CREBRF: variants seen among roughly 807,000 people sequenced by gnomAD.
The protein encoded by CREBRF is UPF0474 protein C5orf41.
A neutral mutation model predicts 66.1 loss-of-function variants in CREBRF; 5 were observed. The observed-to-expected ratio is 0.08, with a 90% CI of 0.04 to 0.16. The LOEUF is 0.16. Ranked by LOEUF, CREBRF falls within the 10% of genes least tolerant of loss-of-function variation. The pLI is 1.00. For synonymous variants in CREBRF, 229 were observed against 264.4 expected (o/e 0.87, Z 1.30); for missense variants, 531 against 744.9 (o/e 0.71, Z 3.34).
At chr5:173,110,786 A>T in intron 6 of CREBRF, 75 bp downstream of exon 6, 1 of 970,640 alleles carries the variant, frequency 1.0e-6, no homozygotes, top group Non-Finnish European at 1.5e-6. Flanking sequence ...GTTTTTATAG[A>T]AGGACAACAA....
chr5:173,121,075 A>G (rs923428069), intron 7 of CREBRF, among the ~76,000 whole-genome samples: 4 of 152,118 alleles, frequency 2.6e-5, no homozygotes, highest in African/African-American at 7.2e-5. Flanking sequence ...TGTTAGCACC[A>G]TATTTTCTTA....
chr5:173,126,961 A>T (rs745936092), intron 8 of CREBRF, among the ~76,000 whole-genome samples: 1 of 152,020 alleles, frequency 6.6e-6, no homozygotes, highest in Admixed American at 6.6e-5. Context: ...CTGAGGTGGG[A>T]GGATCGATTG....
At chr5:173,086,826 T>C (rs1169407914) in intron 3 of CREBRF, among the ~76,000 whole-genome samples, 200 bp downstream of exon 3, 1 of 152,154 alleles carries the variant, frequency 6.6e-6, no homozygotes, top group Non-Finnish European at 1.5e-5. Flanking sequence ...TCTCAGGCTA[T>C]AGTGCAGTGG....
chr5:173,123,160 A>G lies in CREBRF; in HGVS notation c.1762A>G (p.Asn588Asp). 1 of 1,604,496 alleles carries G rather than the reference A, an allele frequency of 6.2e-7. No homozygotes were observed. Among genetic ancestry groups the G allele is most frequent in the Non-Finnish European group, 8.5e-7 (1 of 1,177,712 alleles). Residue 588 changes from asparagine (N) to aspartate (D), a missense_variant, in exon 8 of 9, where the codon AAC (asparagine) becomes GAC (aspartate). This residue lies in a region of CREBRF where 64 missense variants were observed against 111.3 expected (regional missense o/e 0.58). Transcript: ENST00000296953. Reference protein sequence around the residue: ...VQNPRDERGPNMGQKLEILIK... With the variant: ...VQNPRDERGPDMGQKLEILIK... ...GAATCCAAGAGATGAGAGAGGACCC[A>G]ACATGGGGCAGAAGCTTGAAATCCT...
At chr5:173,111,674 G>A (rs1758873253) in intron 6 of CREBRF, among the ~76,000 whole-genome samples, 1 of 152,170 alleles carries the variant, frequency 6.6e-6, no homozygotes, top group Non-Finnish European at 1.5e-5. Context: ...AAGGGCATTT[G>A]GGTTGCCTCC....
At chr5:173,059,301 G>T (rs1040165064) in intron 1 of CREBRF, among the ~76,000 whole-genome samples, 6 of 104,382 alleles carry the variant, frequency 5.7e-5, no homozygotes, top group Non-Finnish European at 1.1e-4. Context: ...TTTCGCCCTT[G>T]TCGCCCAGGC....
At chr5:173,113,718 T>C (rs909213698) in intron 7 of CREBRF, among the ~76,000 whole-genome samples, 2 of 152,176 alleles carry the variant, frequency 1.3e-5, no homozygotes, top group South Asian at 2.1e-4. Flanking sequence ...TAGAAAATTA[T>C]CATCTCTGAG....
chr5:173,100,219 G>C (rs572147071), intron 4 of CREBRF, among the ~76,000 whole-genome samples: 1 of 137,052 alleles, frequency 7.3e-6, no homozygotes, highest in African/African-American at 2.7e-5. Context: ...CAAGTGATCC[G>C]CCCACCTCGG....
At chr5:173,061,774 TC>T (rs1434991217) in intron 1 of CREBRF, among the ~76,000 whole-genome samples, 1 of 152,234 alleles carries the variant, frequency 6.6e-6, no homozygotes, top group Non-Finnish European at 1.5e-5. Flanking sequence ...TTACCTCCTC[TC>T]TTTTTCCAGG....
intron 4 of CREBRF, among the ~76,000 whole-genome samples, chr5:173,094,735 C>G (rs2113745961): frequency 6.6e-6 from 1 of 152,190 alleles, no homozygotes; most frequent in East Asian, 1.9e-4. Flanking sequence ...TAGGTAGTCC[C>G]TTCACTCTGT....
At chr5:173,078,283 G>T (rs965111471) in intron 1 of CREBRF, among the ~76,000 whole-genome samples, 21 of 152,154 alleles carry the variant, frequency 1.4e-4, no homozygotes, top group Non-Finnish European at 3.1e-4. Flanking sequence ...AACATTTACT[G>T]TGATGAATGT....
In CREBRF at chr5:173,091,381, G is replaced by A; in HGVS notation, c.1202G>A (p.Ser401Asn). The A allele has an allele frequency of 6.2e-7, 1 of 1,613,920 alleles. No individual in the cohort carries two copies. The highest frequency in any genetic ancestry group is 8.5e-7 in the Non-Finnish European group (1 of 1,179,926). Residue 401 changes from serine to asparagine, a missense_variant, in exon 4 of 9, where the codon AGT (serine) becomes AAT (asparagine). Coordinates refer to ENST00000296953, the MANE Select transcript of CREBRF (RefSeq NM_153607.3). Reference protein sequence around the residue: ...DYEDDKDDDISDTFSEPGYEN... With the variant: ...DYEDDKDDDINDTFSEPGYEN... Reference sequence around the variant, plus strand: ...GAAGATGACAAGGATGATGATATTAGTGATACTTTCTCTGAACCAGGTATT... The same window carrying A: ...GAAGATGACAAGGATGATGATATTAATGATACTTTCTCTGAACCAGGTATT...
At chr5:173,118,915 A>T (rs879652170) in intron 7 of CREBRF, among the ~76,000 whole-genome samples, 1 of 151,962 alleles carries the variant, frequency 6.6e-6, no homozygotes, top group Admixed American at 6.6e-5. Context: ...GATTAAAAAA[A>T]AACATAGATG....
chr5:173,129,667 G>A (rs909757092), intron 8 of CREBRF, among the ~76,000 whole-genome samples: 27 of 147,700 alleles, frequency 1.8e-4, no homozygotes, highest in African/African-American at 6.3e-4. Flanking sequence ...GGAGGCTGCA[G>A]TGAGCCAAGA....
At chr5:173,065,632 T>C (rs1388289671) in intron 1 of CREBRF, among the ~76,000 whole-genome samples, 4 of 142,962 alleles carry the variant, frequency 2.8e-5, no homozygotes, top group Non-Finnish European at 6.1e-5. Flanking sequence ...CTTTGGGTTA[T>C]ATTTCTTTCC....
intron 8 of CREBRF, among the ~76,000 whole-genome samples, chr5:173,127,139 T>C (rs1759292783): frequency 6.6e-6 from 1 of 151,604 alleles, no homozygotes; most frequent in Admixed American, 6.6e-5. Flanking sequence ...TGGACCAGTT[T>C]AAATGGGTTG....
chr5:173,088,489 CAA>C (rs553969460), intron 3 of CREBRF, among the ~76,000 whole-genome samples: 9 of 83,566 alleles, frequency 1.1e-4, no homozygotes, highest in East Asian at 1.0e-3. Flanking sequence ...GACCCCGTCT[CAA>C]AAAAAAAAAA....
intron 1 of CREBRF, among the ~76,000 whole-genome samples, chr5:173,059,280 T>G (rs77588999): frequency 1.5e-5 from 2 of 130,632 alleles, no homozygotes; most frequent in African/African-American, 2.7e-5. Flanking sequence ...TTTTTTTTTT[T>G]TGAGACGGAG....
intron 1 of CREBRF, among the ~76,000 whole-genome samples, chr5:173,057,859 C>G (rs796674645): frequency 6.6e-6 from 1 of 151,142 alleles, no homozygotes. Flanking sequence ...GATTAGGCCC[C>G]GTGCTTGTCC....
Sources: allele counts gnomAD v4.1 joint callset (sites outside exome capture counted in the v4.1 genomes callset), GRCh38; gene constraint gnomAD v4.1.1; regional missense constraint gnomAD v4.1.1; transcripts MANE v1.5; gene names NCBI Gene and HGNC (gene_info 2026-07-23, HGNC 2026-07-21).